Variants in TRERF1 observed in about 807,000 individuals in gnomAD.
The protein encoded by TRERF1 is transcriptional regulating factor 1.
A neutral mutation model predicts 122.9 loss-of-function variants in TRERF1; 27 were observed. The observed-to-expected ratio is 0.22, with a 90% CI of 0.16 to 0.30. TRERF1 has a LOEUF of 0.30. Ranked by LOEUF, TRERF1 falls within the 10% of genes least tolerant of loss-of-function variation. The pLI, the probability that TRERF1 is intolerant of heterozygous loss-of-function variation, is 1.00. For synonymous variants in TRERF1, 636 were observed against 641.7 expected (o/e 0.99, Z 0.13); for missense variants, 1,248 against 1,560.3 (o/e 0.80, Z 3.37).
intron 2 of TRERF1, among the ~76,000 whole-genome samples, chr6:42,368,816 G>T (rs963906584): frequency 5.3e-5 from 8 of 152,268 alleles, no homozygotes; most frequent in African/African-American, 1.9e-4. Flanking sequence ...GGCCTAATGA[G>T]AATTATGGGG....
intron 4 of TRERF1, among the ~76,000 whole-genome samples, chr6:42,290,744 T>TC (rs1784173046): frequency 1.3e-5 from 1 of 78,870 alleles, no homozygotes; most frequent in East Asian, 4.2e-4. Flanking sequence ...TTCTTTCCTT[T>TC]TTTTTTTTTT....
At chr6:42,243,651 G>GA (rs1252677192) in intron 14 of TRERF1, among the ~76,000 whole-genome samples, 1 of 151,470 alleles carries the variant, frequency 6.6e-6, no homozygotes, top group Non-Finnish European at 1.5e-5. Context: ...CGCAATCTCG[G>GA]ATCACTGCAA....
intron 13 of TRERF1, among the ~76,000 whole-genome samples, chr6:42,248,999 C>G (rs558786894): frequency 1.8e-4 from 28 of 152,290 alleles, no homozygotes; most frequent in African/African-American, 6.7e-4. Flanking sequence ...CGTCATGGTT[C>G]CTTTTAGGTA....
chr6:42,408,278 CA>C (rs1780557207), intron 2 of TRERF1, among the ~76,000 whole-genome samples: 1 of 115,862 alleles, frequency 8.6e-6, no homozygotes, highest in African/African-American at 3.3e-5. Context: ...TGTATATATA[CA>C]TACACATGTG....
chr6:42,405,286 G>C (rs75661157), intron 2 of TRERF1, among the ~76,000 whole-genome samples: 3 of 152,264 alleles, frequency 2.0e-5, no homozygotes, highest in East Asian at 1.9e-4. Flanking sequence ...CTTAAGATGC[G>C]AGGCCCCAGC....
Position 42,263,127 on chromosome 6 carries a change from G to A in TRERF1, c.1884+193C>T, listed in dbSNP as rs957245838. On this transcript the variant is annotated intron_variant, in intron 8 of 17. Coordinates refer to ENST00000372922, the Ensembl canonical transcript of TRERF1. The surrounding 1 kb of genome is among the most constrained non-coding windows in gnomAD (Gnocchi z 5.6). ...TGTGAACAAGGGTAGGGTTCCCAATGTGGCCACGGGTTCAGCCCTGAGAGA... is the reference window on the plus strand; with the variant it reads ...TGTGAACAAGGGTAGGGTTCCCAATATGGCCACGGGTTCAGCCCTGAGAGA... 8 of 1,308,584 alleles carry A rather than the reference G, an allele frequency of 6.1e-6. No individual in the cohort carries two copies. Among genetic ancestry groups the A allele is most frequent in the East Asian group, 5.8e-5 (2 of 34,536 alleles). The allele number at this position is 1,308,584 out of a possible 1,614,324, so 81.1% of individuals were successfully genotyped here. A position where few individuals can be genotyped will look rare whatever the true frequency, so the allele number is the denominator to read the frequency against.
chr6:42,407,658 G>A (rs1198883092), intron 2 of TRERF1, among the ~76,000 whole-genome samples: 3 of 151,984 alleles, frequency 2.0e-5, no homozygotes, highest in Non-Finnish European at 4.4e-5. Flanking sequence ...AGACTTCCCA[G>A]TGCCGTCTCT....
chr6:42,277,909 GAA>G (rs1781503374), intron 4 of TRERF1, among the ~76,000 whole-genome samples: 1 of 46,744 alleles, frequency 2.1e-5, no homozygotes, highest in Admixed American at 2.8e-4. Context: ...GAAGAAGGAA[GAA>G]GAAGAAGAAG....
chr6:42,333,564 G>C (rs768240787), intron 3 of TRERF1, among the ~76,000 whole-genome samples: 8 of 152,234 alleles, frequency 5.3e-5, no homozygotes, highest in Non-Finnish European at 1.2e-4. Context: ...CTGGAGAAAG[G>C]CTTGGGCTTG....
intron 3 of TRERF1, among the ~76,000 whole-genome samples, chr6:42,327,670 T>C (rs6920284): frequency 0.12 from 18,646 of 152,190 alleles, 2,063 homozygotes; most frequent in African/African-American, 0.3. Context: ...TTAACAACAC[T>C]GTCTGGAACA....
At chr6:42,256,928 ACCT>A (rs1254732440) in intron 11 of TRERF1, 32 bp downstream of exon 11, 1 of 1,613,532 alleles carries the variant, frequency 6.2e-7, no homozygotes, top group Non-Finnish European at 8.5e-7. Flanking sequence ...AGAGAATCAA[ACCT>A]CTCCCACCCA....
chr6:42,283,695 C>T lies in TRERF1; in HGVS notation c.-258-13847G>A, dbSNP rs1014259485. Among the ~76,000 whole-genome samples, 7 of 149,200 alleles carry T rather than the reference C, an allele frequency of 4.7e-5. No individual in the cohort carries two copies. In the Admixed American group the frequency reaches 4.7e-4, roughly 10 times the overall value. ...GCCATGGCACGATCTCGGCTCACCA[C>T]AACCTCCACCTCCCGGGTTCAAGTG... On this transcript the variant is annotated intron_variant, in intron 4 of 17. Transcript: ENST00000372922.
intron 2 of TRERF1, among the ~76,000 whole-genome samples, chr6:42,387,432 A>C (rs993741152): frequency 6.6e-6 from 1 of 152,158 alleles, no homozygotes; most frequent in Non-Finnish European, 1.5e-5. Flanking sequence ...CCTACCTACC[A>C]GCCTTTACCT....
At chr6:42,245,636 T>A (rs1774648159) in intron 14 of TRERF1, among the ~76,000 whole-genome samples, 1 of 152,228 alleles carries the variant, frequency 6.6e-6, no homozygotes, top group Non-Finnish European at 1.5e-5. Flanking sequence ...TGCTATTTCA[T>A]CTATGTGAAA....
intron 3 of TRERF1, among the ~76,000 whole-genome samples, chr6:42,313,294 GCTCCTGTATTCATATTA>G (rs1436561192): frequency 6.6e-5 from 10 of 152,134 alleles, no homozygotes; most frequent in African/African-American, 1.9e-4. Flanking sequence ...TAAGTATGAA[GCTCCTGTATTCATATTA>G]TTCACGATAC....
At chr6:42,294,767 C>T (rs145266421) in intron 4 of TRERF1, among the ~76,000 whole-genome samples, 4 of 152,258 alleles carry the variant, frequency 2.6e-5, no homozygotes, top group African/African-American at 4.8e-5. Context: ...AAAGGGTCTC[C>T]GTCTGCATCT....
At chr6:42,258,316 C>T in intron 9 of TRERF1, 115 bp from the exon 10 acceptor site, 2 of 883,386 alleles carry the variant, frequency 2.3e-6, no homozygotes, top group Non-Finnish European at 3.6e-6. Context: ...TACCCAGCTC[C>T]TGCCAGAGTT....
At chr6:42,333,129 C>T (rs986563261) in intron 3 of TRERF1, among the ~76,000 whole-genome samples, 27 of 152,296 alleles carry the variant, frequency 1.8e-4, no homozygotes, top group African/African-American at 6.3e-4. Context: ...ACACATTCAT[C>T]GGTTAAGGTC....
chr6:42,413,223 T>C (rs902655830), intron 2 of TRERF1, among the ~76,000 whole-genome samples: 27 of 152,306 alleles, frequency 1.8e-4, no homozygotes, highest in African/African-American at 5.8e-4. Context: ...AGAAGTATCA[T>C]CTTTTTAACA....
Sources: allele counts gnomAD v4.1 joint callset (sites outside exome capture counted in the v4.1 genomes callset), GRCh38; gene constraint gnomAD v4.1.1; non-coding constraint Gnocchi (gnomAD v3.1); transcripts MANE v1.5; gene names NCBI Gene and HGNC (gene_info 2026-07-23, HGNC 2026-07-21).